ADAMTSL1: variants seen among roughly 807,000 people sequenced by gnomAD.
The protein encoded by ADAMTSL1 is ADAMTS like 1.
In ADAMTSL1, 126 loss-of-function variants were observed where a neutral mutation model predicts 201.8. That is an observed-to-expected ratio of 0.62 (90% CI 0.54 to 0.72). The LOEUF is 0.72. ADAMTSL1 is among the 30% of genes least tolerant of loss of function. The pLI is 0.00. For synonymous variants in ADAMTSL1, 1,121 were observed against 903.4 expected (o/e 1.24, Z -4.32); for missense variants, 2,679 against 2,277.8 (o/e 1.18, Z -3.59).
chr9:17,986,361 A>G (rs994308885), intron 1 of ADAMTSL1, among the ~76,000 whole-genome samples: 2 of 151,996 alleles, frequency 1.3e-5, no homozygotes, highest in African/African-American at 4.8e-5. Context: ...CATTCAATTC[A>G]GTTGTCCACA....
chr9:18,063,269 A>G (rs945053290), intron 1 of ADAMTSL1, among the ~76,000 whole-genome samples: 1 of 152,190 alleles, frequency 6.6e-6, no homozygotes, highest in African/African-American at 2.4e-5. Context: ...AGATCACTTG[A>G]GCCCAGGAGT....
At chr9:18,624,286 G>T (rs557469255) in intron 5 of ADAMTSL1, among the ~76,000 whole-genome samples, 2 of 152,266 alleles carry the variant, frequency 1.3e-5, no homozygotes, top group South Asian at 4.1e-4. Flanking sequence ...TGGTCATGTG[G>T]GTTGGTAGCT....
chr9:18,732,246 A>G (rs1818257162), intron 15 of ADAMTSL1, among the ~76,000 whole-genome samples: 1 of 152,176 alleles, frequency 6.6e-6, no homozygotes, highest in African/African-American at 2.4e-5. Flanking sequence ...ACCCACTAGT[A>G]TGGGGCAGGG....
At chr9:18,790,696 T>C (rs1179060047) in intron 19 of ADAMTSL1, among the ~76,000 whole-genome samples, 1 of 152,190 alleles carries the variant, frequency 6.6e-6, no homozygotes, top group Non-Finnish European at 1.5e-5. Context: ...ATTTGTAGCA[T>C]GCTTGTGAAG....
At chr9:18,533,981 T>C (rs1819604579) in intron 3 of ADAMTSL1, among the ~76,000 whole-genome samples, 2 of 152,168 alleles carry the variant, frequency 1.3e-5, no homozygotes, top group African/African-American at 4.8e-5. Flanking sequence ...GAGGACATAA[T>C]GGGCAAGTTT....
chr9:18,694,455 T>C (rs542905862), intron 13 of ADAMTSL1, among the ~76,000 whole-genome samples: 46 of 152,248 alleles, frequency 3.0e-4, no homozygotes, highest in African/African-American at 1.1e-3. Context: ...ACTTCCAGGA[T>C]ACAATGGAGG....
intron 3 of ADAMTSL1, among the ~76,000 whole-genome samples, chr9:18,540,315 A>G (rs923775531): frequency 2.0e-5 from 3 of 152,212 alleles, no homozygotes; most frequent in African/African-American, 7.2e-5. Context: ...GTGAATGATT[A>G]TGCTACACTT....
At chr9:18,741,424 G>A (rs1299320489) in intron 15 of ADAMTSL1, among the ~76,000 whole-genome samples, 1 of 152,208 alleles carries the variant, frequency 6.6e-6, no homozygotes, top group Non-Finnish European at 1.5e-5. Context: ...AATCAAAACT[G>A]TGGATCCTGA....
intron 12 of ADAMTSL1, among the ~76,000 whole-genome samples, chr9:18,682,285 T>C (rs1186377219): frequency 6.6e-6 from 1 of 152,196 alleles, no homozygotes; most frequent in Non-Finnish European, 1.5e-5. Context: ...TGATTTACTA[T>C]CCACATTTCT....
intron 2 of ADAMTSL1, among the ~76,000 whole-genome samples, chr9:18,373,891 C>A (rs1837166404): frequency 6.6e-6 from 1 of 152,180 alleles, no homozygotes; most frequent in South Asian, 2.1e-4. Flanking sequence ...CCTGTATCTC[C>A]TACCACTGTC....
intron 5 of ADAMTSL1, among the ~76,000 whole-genome samples, chr9:18,628,917 TCA>T (rs1326578745): frequency 6.6e-6 from 1 of 152,188 alleles, no homozygotes; most frequent in Non-Finnish European, 1.5e-5. Flanking sequence ...CAGTGGCTAT[TCA>T]CAGATGTAAT....
At chr9:17,989,533 C>T (rs946319585) in intron 1 of ADAMTSL1, among the ~76,000 whole-genome samples, 1 of 152,024 alleles carries the variant, frequency 6.6e-6, no homozygotes, top group East Asian at 1.9e-4. Context: ...AAGTTAATTA[C>T]TTTAAATGAA....
intron 1 of ADAMTSL1, among the ~76,000 whole-genome samples, chr9:18,043,549 A>G (rs967405897): frequency 5.9e-5 from 9 of 152,200 alleles, no homozygotes; most frequent in African/African-American, 1.9e-4. Context: ...TCACCAACCT[A>G]CTAGATGGCC....
At chr9:18,829,043 A>G (rs1212814320) in intron 22 of ADAMTSL1, among the ~76,000 whole-genome samples, 1 of 152,084 alleles carries the variant, frequency 6.6e-6, no homozygotes, top group East Asian at 1.9e-4. Flanking sequence ...AGATGCAGGA[A>G]GAGGGGAAAA....
At chr9:18,176,029 A>C (rs1375592283) in intron 2 of ADAMTSL1, among the ~76,000 whole-genome samples, 2 of 151,258 alleles carry the variant, frequency 1.3e-5, no homozygotes, top group Non-Finnish European at 2.9e-5. Flanking sequence ...AAAAAAAAAA[A>C]AAAAGGCAAA....
intron 1 of ADAMTSL1, among the ~76,000 whole-genome samples, chr9:18,157,433 C>T (rs1401832203): frequency 6.6e-6 from 1 of 151,852 alleles, no homozygotes; most frequent in Non-Finnish European, 1.5e-5. Flanking sequence ...GGCTATTTTG[C>T]TAGGGTAATG....
chr9:18,142,195 A>G (rs568251663), intron 1 of ADAMTSL1, among the ~76,000 whole-genome samples: 2 of 152,308 alleles, frequency 1.3e-5, no homozygotes, highest in Admixed American at 1.3e-4. Flanking sequence ...AAGTTACAGA[A>G]TGAGTCTGGA....
chr9:18,435,130 A>G (rs1032110121), intron 2 of ADAMTSL1, among the ~76,000 whole-genome samples: 1 of 152,238 alleles, frequency 6.6e-6, no homozygotes, highest in African/African-American at 2.4e-5. Context: ...CAGTCTAGTA[A>G]TTCTTTTCAA....
chr9:18,065,763 C>A (rs913451270), intron 1 of ADAMTSL1, among the ~76,000 whole-genome samples: 2 of 151,924 alleles, frequency 1.3e-5, no homozygotes, highest in Admixed American at 6.6e-5. Context: ...GGTGGATCAC[C>A]TGAAGGCAGG....
Sources: allele counts gnomAD v4.1 joint callset (sites outside exome capture counted in the v4.1 genomes callset), GRCh38; gene constraint gnomAD v4.1.1; transcripts MANE v1.5; gene names NCBI Gene and HGNC (gene_info 2026-07-23, HGNC 2026-07-21).